Variants in NAV3 observed in about 807,000 individuals in gnomAD.
NAV3 encodes the protein neuron navigator 3.
In NAV3, 87 loss-of-function variants were observed where a neutral mutation model predicts 244.7. The observed-to-expected ratio is 0.36, with a 90% CI of 0.30 to 0.42. The LOEUF is 0.42. Among genes scored for constraint, NAV3 ranks in the 20% least tolerant of loss-of-function variants. The probability of loss-of-function intolerance (pLI) is 1.00; values close to 1 mark genes in which losing one functional copy is unlikely to be tolerated. For missense variants in NAV3, 2,663 were observed against 2,893.3 expected (o/e 0.92, Z 1.83); for synonymous variants, 1,126 against 1,042.2 (o/e 1.08, Z -1.55).
chr12:78,098,393 A>G (rs948309929), intron 12 of NAV3, among the ~76,000 whole-genome samples: 3 of 152,004 alleles, frequency 2.0e-5, no homozygotes, highest in Non-Finnish European at 4.4e-5. Flanking sequence ...ATCAACAAAT[A>G]GGGCAGTGGA....
At chr12:77,742,627 A>G (rs1295285813) in intron 2 of NAV3, among the ~76,000 whole-genome samples, 1 of 152,122 alleles carries the variant, frequency 6.6e-6, no homozygotes, top group Non-Finnish European at 1.5e-5. Context: ...GTTAAAATGT[A>G]TCAAAACTTG....
At chr12:78,094,336 T>A (rs1954120038) in intron 12 of NAV3, among the ~76,000 whole-genome samples, 1 of 152,230 alleles carries the variant, frequency 6.6e-6, no homozygotes. Flanking sequence ...TTATTTCAAA[T>A]GCCTGAGATT....
At chr12:77,734,930 A>C (rs1368935648) in intron 2 of NAV3, among the ~76,000 whole-genome samples, 1 of 152,180 alleles carries the variant, frequency 6.6e-6, no homozygotes, top group Non-Finnish European at 1.5e-5. Flanking sequence ...GTTTGTTTTA[A>C]TAGCCTTGAT....
chr12:77,615,267 G>T (rs534369217), intron 2 of NAV3, among the ~76,000 whole-genome samples: 14 of 151,610 alleles, frequency 9.2e-5, no homozygotes, highest in African/African-American at 3.4e-4. Context: ...TTATTTTTTT[G>T]GGTTCGGGAG....
chr12:78,002,744 A>G (rs111454263), intron 7 of NAV3, among the ~76,000 whole-genome samples: 3 of 152,056 alleles, frequency 2.0e-5, no homozygotes, highest in African/African-American at 7.2e-5. Context: ...TATAAGCCTA[A>G]AATACGTTGT....
intron 22 of NAV3, among the ~76,000 whole-genome samples, chr12:78,154,465 A>G (rs1957220974): frequency 6.6e-6 from 1 of 150,430 alleles, no homozygotes; most frequent in South Asian, 2.1e-4. Context: ...GTTATGTATA[A>G]TGATATTTCA....
At chr12:77,738,970 C>G (rs144991892) in intron 2 of NAV3, among the ~76,000 whole-genome samples, 1 of 130,106 alleles carries the variant, frequency 7.7e-6, no homozygotes, top group Non-Finnish European at 1.5e-5. Context: ...CGAGATCGCG[C>G]TACTGCACTC....
intron 2 of NAV3, among the ~76,000 whole-genome samples, chr12:77,658,825 C>A (rs1592551224): frequency 6.6e-6 from 1 of 152,066 alleles, no homozygotes; most frequent in Admixed American, 6.5e-5. Context: ...ACTATCTGAT[C>A]TTTGACAAAC....
intron 13 of NAV3, 137 bp from the exon 14 acceptor site, chr12:78,117,890 T>C: frequency 1.1e-6 from 1 of 873,670 alleles, no homozygotes; most frequent in Non-Finnish European, 1.6e-6. Flanking sequence ...TGGCTAAAAT[T>C]AATAAAATGT....
At chr12:77,607,272 G>A (rs760425868) in intron 2 of NAV3, among the ~76,000 whole-genome samples, 3 of 151,992 alleles carry the variant, frequency 2.0e-5, no homozygotes, top group Non-Finnish European at 2.9e-5. Flanking sequence ...TTTTATCTAC[G>A]CTATAATTTA....
At chr12:77,922,460 G>T (rs780858636) in intron 1 of NAV3, among the ~76,000 whole-genome samples, 1 of 151,964 alleles carries the variant, frequency 6.6e-6, no homozygotes, top group African/African-American at 2.4e-5. Flanking sequence ...AATCCCTCGT[G>T]GGTGTTTATT....
chr12:77,780,578 G>T (rs745486411), intron 2 of NAV3, among the ~76,000 whole-genome samples: 1 of 152,182 alleles, frequency 6.6e-6, no homozygotes, highest in Non-Finnish European at 1.5e-5. Context: ...AAGCAAGTTT[G>T]TGCGAAGATT....
chr12:77,900,570 G>C (rs926147666), intron 1 of NAV3, among the ~76,000 whole-genome samples: 1 of 148,686 alleles, frequency 6.7e-6, no homozygotes, highest in East Asian at 2.1e-4. Flanking sequence ...ATGCACACGC[G>C]TATGTGTGTG....
intron 1 of NAV3, among the ~76,000 whole-genome samples, chr12:77,873,544 T>G (rs1385929685): frequency 1.3e-5 from 2 of 151,256 alleles, no homozygotes; most frequent in African/African-American, 4.8e-5. Flanking sequence ...TTCTGTTATA[T>G]GTAACTTTTT....
At chr12:77,649,304 G>C (rs1872726879) in intron 2 of NAV3, among the ~76,000 whole-genome samples, 1 of 152,098 alleles carries the variant, frequency 6.6e-6, no homozygotes, top group South Asian at 2.1e-4. Context: ...CAGTCTTATA[G>C]TATTTGCGTA....
At chr12:77,846,606 G>A (rs914850445) in intron 1 of NAV3, among the ~76,000 whole-genome samples, 3 of 152,072 alleles carry the variant, frequency 2.0e-5, no homozygotes, top group Admixed American at 6.5e-5. Context: ...TTCTATAATA[G>A]TCTAATTATT....
chr12:77,961,685 AAT>A (rs1298682737), intron 3 of NAV3, among the ~76,000 whole-genome samples: 9 of 147,440 alleles, frequency 6.1e-5, no homozygotes, highest in Admixed American at 5.5e-4. Context: ...TAATATATGT[AAT>A]ATATGTTATA....
chr12:78,150,960 A>G (rs555086499), intron 22 of NAV3, among the ~76,000 whole-genome samples: 2 of 152,144 alleles, frequency 1.3e-5, no homozygotes, highest in East Asian at 3.9e-4. Context: ...CAGATAATAC[A>G]TAACTGAACA....
intron 2 of NAV3, among the ~76,000 whole-genome samples, chr12:77,707,470 C>A (rs1466312226): frequency 1.3e-5 from 2 of 152,092 alleles, no homozygotes; most frequent in Non-Finnish European, 2.9e-5. Flanking sequence ...GATTGATGGA[C>A]ATTTGGTTGG....
Sources: allele counts gnomAD v4.1 joint callset (sites outside exome capture counted in the v4.1 genomes callset), GRCh38; gene constraint gnomAD v4.1.1; transcripts MANE v1.5; gene names NCBI Gene and HGNC (gene_info 2026-07-23, HGNC 2026-07-21).